The following IMMP2L variants were observed in gnomAD, a reference collection of about 807,000 sequenced individuals.
The protein encoded by IMMP2L is mitochondrial inner membrane protease subunit 2.
A neutral mutation model predicts 19.3 loss-of-function variants in IMMP2L; 18 were observed. The ratio of observed to expected loss-of-function variants is 0.93; its 90% CI spans 0.64 to 1.38. The LOEUF is 1.38. Ranked by LOEUF, IMMP2L falls within the 40% of genes most tolerant of loss-of-function variation. The probability of loss-of-function intolerance (pLI) is 0.00; values close to 1 mark genes in which losing one functional copy is unlikely to be tolerated. For synonymous variants in IMMP2L, 76 were observed against 73.0 expected, an observed-to-expected ratio of 1.04 and a Z score of -0.21; for missense variants, 233 against 218.2, an observed-to-expected ratio of 1.07 and a Z score of -0.43.
chr7:111,308,336 GA>G (rs1194337181), intron 3 of IMMP2L, among the ~76,000 whole-genome samples: 4 of 151,872 alleles, frequency 2.6e-5, no homozygotes, highest in African/African-American at 9.7e-5. Flanking sequence ...GTGCATTTGA[GA>G]AAAATACAAA....
At chr7:111,006,044 G>A (rs1200393812) in intron 3 of IMMP2L, among the ~76,000 whole-genome samples, 1 of 152,008 alleles carries the variant, frequency 6.6e-6, no homozygotes, top group Non-Finnish European at 1.5e-5. Flanking sequence ...CTAACCTCCT[G>A]CCAGTTCTCA....
chr7:110,975,666 C>G (rs932295826), intron 3 of IMMP2L, among the ~76,000 whole-genome samples: 4 of 152,078 alleles, frequency 2.6e-5, no homozygotes, highest in Non-Finnish European at 5.9e-5. Context: ...GACCTAGTGT[C>G]ATATCACCTT....
intron 3 of IMMP2L, among the ~76,000 whole-genome samples, chr7:110,969,272 C>T (rs913910696): frequency 2.0e-5 from 3 of 151,698 alleles, no homozygotes; most frequent in Non-Finnish European, 4.4e-5. Context: ...AATTCAATAC[C>T]GTTTCATTAA....
At chr7:111,382,771 AGAAATG>A (rs1831330882) in intron 3 of IMMP2L, among the ~76,000 whole-genome samples, 1 of 152,122 alleles carries the variant, frequency 6.6e-6, no homozygotes, top group Non-Finnish European at 1.5e-5. Context: ...CTCTTCGTCC[AGAAATG>A]AAAGTGAAGG....
chr7:111,079,966 G>T (rs1378265682), intron 3 of IMMP2L, among the ~76,000 whole-genome samples: 3 of 151,912 alleles, frequency 2.0e-5, no homozygotes, highest in Non-Finnish European at 2.9e-5. Flanking sequence ...ATGTCATAAG[G>T]TCCTTATTAG....
intron 3 of IMMP2L, among the ~76,000 whole-genome samples, chr7:111,358,794 G>A (rs2130964529): frequency 6.6e-6 from 1 of 152,212 alleles, no homozygotes; most frequent in African/African-American, 2.4e-5. Context: ...CTGGAAATGG[G>A]AGAAAGTCTC....
chr7:110,804,422 A>T (rs1026554724), intron 5 of IMMP2L, among the ~76,000 whole-genome samples: 3 of 152,000 alleles, frequency 2.0e-5, no homozygotes, highest in Non-Finnish European at 4.4e-5. Context: ...TTTGGAGTCT[A>T]AAAGAGTAGT....
intron 3 of IMMP2L, among the ~76,000 whole-genome samples, chr7:111,464,903 C>T (rs1231956890): frequency 6.6e-6 from 1 of 152,140 alleles, no homozygotes; most frequent in Admixed American, 6.5e-5. Context: ...ATTCTCTCGC[C>T]TCAGCCTCCC....
At chr7:111,522,258 A>T (rs1846408989) in intron 1 of IMMP2L, among the ~76,000 whole-genome samples, 1 of 152,044 alleles carries the variant, frequency 6.6e-6, no homozygotes, top group Non-Finnish European at 1.5e-5. Flanking sequence ...TCTTGGCAAG[A>T]CTTTTTTGGA....
chr7:110,695,345 C>A (rs1239447017), intron 5 of IMMP2L, among the ~76,000 whole-genome samples: 1 of 151,900 alleles, frequency 6.6e-6, no homozygotes, highest in Non-Finnish European at 1.5e-5. Context: ...GTGAATGCCA[C>A]CACCCCCAGC....
At chr7:110,828,857 A>T (rs1803722632) in intron 5 of IMMP2L, among the ~76,000 whole-genome samples, 1 of 152,170 alleles carries the variant, frequency 6.6e-6, no homozygotes, top group East Asian at 1.9e-4. Flanking sequence ...AATGCTTGTA[A>T]CCAAACAAAT....
rs140405698 is a variant in IMMP2L, at chr7:111,522,195, T to C, written c.-2-746A>G. 3.7e-4 allele frequency among the ~76,000 whole-genome samples: 57 copies of C among 152,234 alleles called. 1 individual carries two copies. Among genetic ancestry groups the C allele is most frequent in the African/African-American group, 1.3e-3 (52 of 41,540 alleles). ...GTTTGTGGTGGCAGTGTTGGTGTTG[T>C]TGTTGTCGTTGTTGTTTTTAGACAG... On this transcript the variant is annotated intron_variant, in intron 1 of 5. Coordinates refer to ENST00000405709, the MANE Select transcript of IMMP2L (RefSeq NM_032549.4).
At chr7:111,083,865 T>C (rs1796087579) in intron 3 of IMMP2L, among the ~76,000 whole-genome samples, 1 of 152,218 alleles carries the variant, frequency 6.6e-6, no homozygotes, top group South Asian at 2.1e-4. Flanking sequence ...ATCTATTTCA[T>C]TGTGGTTTGT....
At chr7:111,324,620 T>G (rs563476167) in intron 3 of IMMP2L, among the ~76,000 whole-genome samples, 1 of 151,850 alleles carries the variant, frequency 6.6e-6, no homozygotes, top group African/African-American at 2.4e-5. Flanking sequence ...TTCAAAATCA[T>G]GTGTAATATA....
intron 3 of IMMP2L, chr7:111,124,890 T>C (rs772038117): frequency 6.4e-6 from 10 of 1,555,048 alleles, no homozygotes; most frequent in Middle Eastern, 1.8e-4. Context: ...TACCAACAAA[T>C]ATGTCCTAAA....
At chr7:111,174,488 A>G (rs1806812974) in intron 3 of IMMP2L, among the ~76,000 whole-genome samples, 1 of 151,644 alleles carries the variant, frequency 6.6e-6, no homozygotes, top group African/African-American at 2.4e-5. Flanking sequence ...TACCTCACTC[A>G]ATGCAAAAAA....
At chr7:110,903,642 T>C (rs1812144168) in intron 4 of IMMP2L, among the ~76,000 whole-genome samples, 1 of 152,210 alleles carries the variant, frequency 6.6e-6, no homozygotes, top group African/African-American at 2.4e-5. Context: ...ACATTTTCTT[T>C]ATCCATTCAC....
intron 1 of IMMP2L, among the ~76,000 whole-genome samples, chr7:111,547,505 AC>A (rs36099268): frequency 0.91 from 123,749 of 135,878 alleles, 56,324 homozygotes; most frequent in Middle Eastern, 0.95. Flanking sequence ...AAACTGTCAT[AC>A]CCCCCCCCCC....
intron 4 of IMMP2L, chr7:110,963,039 G>A (rs1306492561): frequency 1.3e-6 from 2 of 1,525,452 alleles, no homozygotes; most frequent in African/African-American, 2.8e-5. Flanking sequence ...TTTCATTCTT[G>A]TCACTGATTC....
Sources: gnomAD v4.1 joint callset for allele counts (sites outside exome capture counted in the v4.1 genomes callset) on GRCh38, gnomAD v4.1.1 for gene constraint, MANE v1.5 for transcripts, NCBI Gene and HGNC (gene_info 2026-07-23, HGNC 2026-07-21) for gene names.